Variants in ADGRG6 observed in about 807,000 individuals in gnomAD.
The protein encoded by ADGRG6 is adhesion G protein-coupled receptor G6, also known as G-protein coupled receptor 126.
ADGRG6 carries 84 observed loss-of-function variants against 142.4 expected under a neutral mutation model. The observed-to-expected ratio is 0.59, with a 90% CI of 0.49 to 0.71. The LOEUF is 0.71. ADGRG6 is among the 30% of genes least tolerant of loss of function. ADGRG6 has a pLI of 0.00. For synonymous variants in ADGRG6, 521 were observed against 520.5 expected (o/e 1.00, Z -0.01); for missense variants, 1,367 against 1,466.6 (o/e 0.93, Z 1.11).
At chr6:142,341,730 C>G (rs1368784710) in intron 2 of ADGRG6, among the ~76,000 whole-genome samples, 2 of 143,200 alleles carry the variant, frequency 1.4e-5, no homozygotes, top group Admixed American at 7.5e-5. Context: ...AGTTGTGCCA[C>G]TGAGTAACTA....
At chr6:142,384,125 G>A (rs1362407303) in intron 6 of ADGRG6, among the ~76,000 whole-genome samples, 1 of 151,966 alleles carries the variant, frequency 6.6e-6, no homozygotes, top group Non-Finnish European at 1.5e-5. Flanking sequence ...TAATTAGAAG[G>A]CATTAATGTG....
At chr6:142,306,743 A>G (rs1777517821) in intron 1 of ADGRG6, among the ~76,000 whole-genome samples, 1 of 151,742 alleles carries the variant, frequency 6.6e-6, no homozygotes, top group African/African-American at 2.4e-5. Flanking sequence ...CCTGTTCAGG[A>G]TTTTCCATTC....
intron 2 of ADGRG6, among the ~76,000 whole-genome samples, chr6:142,329,956 A>G (rs1032356935): frequency 9.9e-5 from 15 of 152,136 alleles, no homozygotes; most frequent in African/African-American, 3.6e-4. Context: ...ACTGCAGCCC[A>G]TATATAGCCT....
In ADGRG6 at chr6:142,443,431, C is replaced by T. The variant is rs761948370; in HGVS notation, c.3669C>T (p.Val1223=). ...IIPVHQVIDK[V]KGYCNAHSDN... is the part of the protein sequence containing the mutation. ...CTGTCCATCAGGTCATTGATAAGGT[C>T]AAGGGTTATTGCAATGCTCATTCAG... The change falls in exon 25 of 25, where the codon GTC becomes GTT. Residue 1223 remains valine (V), a synonymous_variant. Coordinates refer to ENST00000367609, the MANE Select transcript of ADGRG6 (RefSeq NM_198569.3). The T allele has an allele frequency of 4.3e-6, 7 of 1,610,918 alleles. No individual in the cohort carries two copies. The South Asian group carries it at 7.7e-5, about 18-fold the overall frequency.
intron 20 of ADGRG6, 186 bp from the exon 21 acceptor site, chr6:142,417,087 A>G: frequency 4.7e-6 from 3 of 639,754 alleles, no homozygotes; most frequent in Non-Finnish European, 8.6e-6. Flanking sequence ...TGGACATTGA[A>G]CCCCAAGGAG....
chr6:142,315,173 G>A (rs1267035228), intron 2 of ADGRG6, among the ~76,000 whole-genome samples: 1 of 152,186 alleles, frequency 6.6e-6, no homozygotes, highest in Non-Finnish European at 1.5e-5. Context: ...GAGTTTAATG[G>A]GGACATACCA....
At position 142,370,251 on chromosome 6, in the gene ADGRG6, C is replaced by G; in HGVS notation, c.527C>G (p.Ser176Cys). ...AYQVSVAKSI[S>C]IPELSAFTLC... ...CAGGTATCTGTTGCAAAAAGCATCT[C>G]TATTCCAGAGCTCAGTGCTTTCACA... Residue 176 changes from serine to cysteine, a missense_variant, in exon 4 of 25, where the codon TCT (serine) becomes TGT (cysteine). Ser to Cys is a moderately radical substitution (Grantham distance 112). Coordinates refer to ENST00000367609, the MANE Select transcript of ADGRG6 (RefSeq NM_198569.3). 1.2e-6 allele frequency: 2 copies of G among 1,613,330 alleles called. No homozygotes were observed. Among genetic ancestry groups the G allele is most frequent in the African/African-American group, 1.3e-5 (1 of 75,052 alleles).
intron 6 of ADGRG6, among the ~76,000 whole-genome samples, chr6:142,387,976 G>A (rs1782114320): frequency 1.3e-5 from 2 of 152,188 alleles, no homozygotes; most frequent in Non-Finnish European, 2.9e-5. Context: ...GAAGATTTGT[G>A]AATAGCTTTT....
rs1775546754 is a variant in ADGRG6 at position 142,401,926 on chromosome 6, A to T, written c.1680-68A>T. 1.1e-5 allele frequency: 8 copies of T among 709,788 alleles called. No homozygotes were observed. The Admixed American group carries it at 1.8e-4, about 16-fold the overall frequency. The allele number at this position is 709,788 out of a possible 1,614,324, so 44.0% of individuals were successfully genotyped here. On this transcript the variant is annotated intron_variant, in intron 11 of 24. Coordinates refer to ENST00000367609, the MANE Select transcript of ADGRG6 (RefSeq NM_198569.3). ...TAATAAATGTATATATCATGTAAAA[A>T]TCCCTTTAAGCAGTACAAAATAATA...
chr6:142,432,557 TTCTCC>T (rs569625965), intron 22 of ADGRG6, among the ~76,000 whole-genome samples: 172 of 152,284 alleles, frequency 1.1e-3, no homozygotes, highest in African/African-American at 3.9e-3. Flanking sequence ...TTTAAATGAC[TTCTCC>T]TCTCCAGTGT....
intron 2 of ADGRG6, among the ~76,000 whole-genome samples, chr6:142,362,290 T>C (rs1780762897): frequency 6.6e-6 from 1 of 152,206 alleles, no homozygotes; most frequent in South Asian, 2.1e-4. Context: ...GTCGTTGAAG[T>C]AGCTCCTTAT....
At chr6:142,315,005 T>TGTGTGTGTGTGTGTGTGTGTGTG (rs1554229843) in intron 2 of ADGRG6, among the ~76,000 whole-genome samples, 1 of 150,658 alleles carries the variant, frequency 6.6e-6, no homozygotes, top group African/African-American at 2.5e-5. Context: ...TGTGTGTGTG[T>TGTGTGTGTGTGTGTGTGTGTGTG]TATACAGTCT....
At chr6:142,346,944 C>A (rs773514154) in intron 2 of ADGRG6, among the ~76,000 whole-genome samples, 1 of 151,840 alleles carries the variant, frequency 6.6e-6, no homozygotes, top group Non-Finnish European at 1.5e-5. Context: ...TTGATGGGTG[C>A]GGCAAACAAC....
chr6:142,443,028 G>C (rs1026012901), intron 24 of ADGRG6, among the ~76,000 whole-genome samples: 8 of 151,988 alleles, frequency 5.3e-5, no homozygotes, highest in Non-Finnish European at 1.0e-4. Context: ...TCAAGCCATA[G>C]TGCATGTTTT....
intron 6 of ADGRG6, among the ~76,000 whole-genome samples, chr6:142,384,999 A>G (rs1055732999): frequency 3.3e-5 from 5 of 152,088 alleles, no homozygotes; most frequent in Non-Finnish European, 5.9e-5. Context: ...TTTCCAGTGC[A>G]TATTTCACAT....
chr6:142,305,408 C>G (rs980248948), intron 1 of ADGRG6, among the ~76,000 whole-genome samples: 1 of 148,456 alleles, frequency 6.7e-6, no homozygotes, highest in Non-Finnish European at 1.5e-5. Flanking sequence ...CTTTCCTGCC[C>G]CCCCCCACGA....
At chr6:142,355,709 A>C (rs1780409590) in intron 2 of ADGRG6, among the ~76,000 whole-genome samples, 2 of 151,988 alleles carry the variant, frequency 1.3e-5, no homozygotes, top group Admixed American at 1.3e-4. Context: ...CCTGTAGACC[A>C]CCCAGCCCAC....
At chr6:142,328,613 T>C (rs1374241463) in intron 2 of ADGRG6, among the ~76,000 whole-genome samples, 2 of 152,196 alleles carry the variant, frequency 1.3e-5, no homozygotes, top group Non-Finnish European at 2.9e-5. Context: ...TCTTCTATTA[T>C]GTTTCAATTA....
chr6:142,374,644 C>A (rs1298927948), intron 4 of ADGRG6, among the ~76,000 whole-genome samples: 3 of 152,150 alleles, frequency 2.0e-5, no homozygotes, highest in Non-Finnish European at 4.4e-5. Context: ...TTATGCCACT[C>A]CCTTTATACG....
Sources: gnomAD v4.1 joint callset for allele counts (sites outside exome capture counted in the v4.1 genomes callset) on GRCh38, gnomAD v4.1.1 for gene constraint, MANE v1.5 for transcripts, NCBI Gene and HGNC (gene_info 2026-07-23, HGNC 2026-07-21) for gene names.